Variants in USP6NL observed in about 807,000 individuals in gnomAD.
USP6NL encodes USP6 N-terminal like, also known as USP6 N-terminal-like protein.
USP6NL carries 26 observed loss-of-function variants against 61.9 expected under a neutral mutation model. That is an observed-to-expected ratio of 0.42 (90% CI 0.31 to 0.58). The LOEUF (loss-of-function observed/expected upper bound fraction) is 0.58, where lower values mean the gene tolerates loss of function less well. Among genes scored for constraint, USP6NL ranks in the 20% least tolerant of loss-of-function variants. The pLI is 0.16. For synonymous variants in USP6NL, 432 were observed against 390.1 expected (o/e 1.11, Z -1.27); for missense variants, 1,114 against 1,034.3 (o/e 1.08, Z -1.06).
At chr10:11,556,081 A>C (rs1483616255) in intron 2 of USP6NL, among the ~76,000 whole-genome samples, 2 of 152,210 alleles carry the variant, frequency 1.3e-5, no homozygotes, top group Non-Finnish European at 2.9e-5. Context: ...GGAAAGCATA[A>C]ATACATGGAT....
intron 1 of USP6NL, among the ~76,000 whole-genome samples, chr10:11,608,932 T>C (rs1262457700): frequency 6.6e-6 from 1 of 152,174 alleles, no homozygotes; most frequent in Non-Finnish European, 1.5e-5. Flanking sequence ...GTGCTACAAG[T>C]TGGATTTCTT....
rs34369379 is a variant in USP6NL, at chr10:11,520,066, G to A, written c.156-1492C>T. Among the ~76,000 whole-genome samples, 6,368 of 152,242 alleles carry A rather than the reference G, an allele frequency of 0.042. 203 individuals carry two copies. The highest frequency in any genetic ancestry group is 0.063 in the Non-Finnish European group (4,279 of 68,002). Reference sequence around the variant, plus strand: ...AGAATAACCGCCAAAAGAGATCTTAGAGTCCAAATCTCTCATTTCACAGAT... The same window carrying A: ...AGAATAACCGCCAAAAGAGATCTTAAAGTCCAAATCTCTCATTTCACAGAT... On this transcript the variant is annotated intron_variant, in intron 4 of 14. Transcript: ENST00000609104. This position sits in a 1 kb window ranked among gnomAD's most constrained non-coding sequence, Gnocchi z 5.2.
chr10:11,465,117 AT>A lies in USP6NL; in HGVS notation c.1079-1269del, dbSNP rs1214470349. Among the ~76,000 whole-genome samples, 1 of 152,196 alleles carries A rather than the reference AT, an allele frequency of 6.6e-6. No individual in the cohort carries two copies. Among genetic ancestry groups the A allele is most frequent in the Admixed American group, 6.5e-5 (1 of 15,286 alleles). ...TAGGCAAATAATCCCAACAAACACAATTTATCAAGAAGATATAAAGACATGA... is the reference window on the plus strand; with the variant it reads ...TAGGCAAATAATCCCAACAAACACAATTATCAAGAAGATATAAAGACATGA... On this transcript the variant is annotated intron_variant, in intron 14 of 14. Transcript: ENST00000609104. The surrounding 1 kb of genome is among the most constrained non-coding windows in gnomAD (Gnocchi z 4.5).
chr10:11,558,862 T>C (rs994500069), intron 2 of USP6NL, among the ~76,000 whole-genome samples: 3 of 149,926 alleles, frequency 2.0e-5, no homozygotes, highest in African/African-American at 7.4e-5. Flanking sequence ...GAAGTATAAC[T>C]ACAACTAACC....
intron 2 of USP6NL, among the ~76,000 whole-genome samples, chr10:11,558,492 G>A (rs1389453043): frequency 6.6e-6 from 1 of 152,112 alleles, no homozygotes; most frequent in Non-Finnish European, 1.5e-5. Flanking sequence ...ATCTACACCT[G>A]AATACCTACA....
At chr10:11,555,433 A>AAAAAAAAT (rs1275798295) in intron 2 of USP6NL, among the ~76,000 whole-genome samples, 127 of 48,984 alleles carry the variant, frequency 2.6e-3, no homozygotes, top group Non-Finnish European at 2.3e-3. Context: ...AAAAAAAAAA[A>AAAAAAAAT]ATATATATAT....
At chr10:11,514,046 T>G (rs763545669) in intron 5 of USP6NL, among the ~76,000 whole-genome samples, 1 of 152,366 alleles carries the variant, frequency 6.6e-6, no homozygotes, top group Admixed American at 6.5e-5. Flanking sequence ...GTACCACTTC[T>G]AGCGATGATG....
chr10:11,471,045 C>T (rs1229743836), intron 14 of USP6NL, among the ~76,000 whole-genome samples: 4 of 152,130 alleles, frequency 2.6e-5, no homozygotes, highest in East Asian at 1.9e-4. Flanking sequence ...ATTAGCTGGG[C>T]GTGGTGGCAG....
intron 2 of USP6NL, among the ~76,000 whole-genome samples, chr10:11,530,120 A>G (rs963711230): frequency 2.0e-5 from 3 of 151,796 alleles, no homozygotes; most frequent in East Asian, 1.9e-4. Context: ...AAAAAAAAAA[A>G]AAAAGAAATT....
In USP6NL at chr10:11,595,982, T is replaced by A. The variant is rs1838314833; in HGVS notation, c.4+1649A>T. 6.6e-6 allele frequency among the ~76,000 whole-genome samples: 1 copy of A among 152,202 alleles called. No individual in the cohort carries two copies. The highest frequency in any genetic ancestry group is 2.4e-5 in the African/African-American group (1 of 41,444). ...TGTGGTTCAAACACTATTAGTTGCT[T>A]GGCAAGCCATTCCTCCCCTCTGCCT... On this transcript the variant is annotated intron_variant, in intron 2 of 14. Transcript: ENST00000609104. This position sits in a 1 kb window ranked among gnomAD's most constrained non-coding sequence, Gnocchi z 5.3.
chr10:11,561,850 C>T lies in USP6NL; in HGVS notation c.5-34283G>A, dbSNP rs1425006767. ...AGCACCTTTTTCATCACATTGAATA[C>T]TGGTCCCATTTATTAATTTTAGCCA... On this transcript the variant is annotated intron_variant, in intron 2 of 14. Coordinates refer to ENST00000609104, the MANE Select transcript of USP6NL (RefSeq NM_014688.5). The surrounding 1 kb of genome is among the most constrained non-coding windows in gnomAD (Gnocchi z 4.1). Among the ~76,000 whole-genome samples the T allele has an allele frequency of 6.6e-6, 1 of 152,184 alleles. No individual in the cohort carries two copies. Among genetic ancestry groups the T allele is most frequent in the East Asian group, 1.9e-4 (1 of 5,198 alleles).
At chr10:11,498,602 T>C (rs1239123770) in intron 7 of USP6NL, among the ~76,000 whole-genome samples, 2 of 152,166 alleles carry the variant, frequency 1.3e-5, no homozygotes, top group Admixed American at 1.3e-4. Context: ...GTAATTCCCA[T>C]AGAGCACTTA....
intron 14 of USP6NL, among the ~76,000 whole-genome samples, chr10:11,467,045 A>G (rs868150894): frequency 6.6e-6 from 1 of 152,152 alleles, no homozygotes; most frequent in Admixed American, 6.5e-5. Flanking sequence ...TCATCATTTC[A>G]ATCTGGGATC....
At chr10:11,558,727 T>C (rs553775330) in intron 2 of USP6NL, among the ~76,000 whole-genome samples, 9 of 152,314 alleles carry the variant, frequency 5.9e-5, no homozygotes, top group African/African-American at 2.2e-4. Flanking sequence ...CCTAATGAAA[T>C]TTAAAGTAAA....
rs1835849553 is a variant in USP6NL at position 11,536,749 on chromosome 10, C to G, written c.5-9182G>C. 3.9e-5 allele frequency among the ~76,000 whole-genome samples: 6 copies of G among 152,304 alleles called. No individual in the cohort carries two copies. The South Asian group carries it at 1.2e-3, about 32-fold the overall frequency. The stretch of plus-strand genomic sequence containing the variant: ...CGGTCCAACCCAATCCCACTTGCAT[C>G]TCCCATAACTACATTAATTCCACAT... On this transcript the variant is annotated intron_variant, in intron 2 of 14. Transcript: ENST00000609104.
rs539582130 is a variant in USP6NL at position 11,562,740 on chromosome 10, C to T, written c.4+34891G>A. 9 of 985,342 alleles carry T rather than the reference C, an allele frequency of 9.1e-6. No homozygotes were observed. In the South Asian group the frequency reaches 1.4e-4, roughly 15 times the overall value. 61.0% of individuals were successfully genotyped at this position (985,342 alleles called of 1,614,324 possible). On this transcript the variant is annotated intron_variant, in intron 2 of 14. Coordinates refer to ENST00000609104, the MANE Select transcript of USP6NL (RefSeq NM_014688.5). The surrounding 1 kb of genome is among the most constrained non-coding windows in gnomAD (Gnocchi z 4.8). ...TTTCACTTGTTTCTTGATCTAAAAA[C>T]GTGGAATTCCACACAGTACAATCAT...
chr10:11,486,771 C>T (rs1301420926), intron 10 of USP6NL, among the ~76,000 whole-genome samples: 1 of 152,118 alleles, frequency 6.6e-6, no homozygotes, highest in Non-Finnish European at 1.5e-5. Flanking sequence ...AATGTTCTTG[C>T]CTTTTAGACT....
intron 2 of USP6NL, among the ~76,000 whole-genome samples, chr10:11,579,568 C>T (rs187861204): frequency 1.3e-5 from 2 of 152,180 alleles, no homozygotes; most frequent in African/African-American, 4.8e-5. Flanking sequence ...TTTCTCTACT[C>T]AGATTTTCAA....
chr10:11,586,384 T>C (rs1471954240), intron 2 of USP6NL, among the ~76,000 whole-genome samples: 1 of 145,350 alleles, frequency 6.9e-6, no homozygotes, highest in Non-Finnish European at 1.5e-5. Context: ...AACTGAGCCA[T>C]CTTAAATGAC....
Sources: gnomAD v4.1 joint callset for allele counts (sites outside exome capture counted in the v4.1 genomes callset) on GRCh38, gnomAD v4.1.1 for gene constraint, Gnocchi (gnomAD v3.1) non-coding constraint, MANE v1.5 for transcripts, NCBI Gene and HGNC (gene_info 2026-07-23, HGNC 2026-07-21) for gene names.